The following ANO4 variants were observed in gnomAD, a reference collection of about 807,000 sequenced individuals.
ANO4 encodes the protein anoctamin-4.
ANO4 carries 69 observed loss-of-function variants against 141.9 expected under a neutral mutation model. That is an observed-to-expected ratio of 0.49 (90% confidence interval 0.40 to 0.59). ANO4 has a LOEUF of 0.59. Among genes scored for constraint, ANO4 ranks in the 20% least tolerant of loss-of-function variants. ANO4 has a pLI of 0.00. For synonymous variants in ANO4, 350 were observed against 394.3 expected (o/e 0.89, Z 1.33); for missense variants, 894 against 1,162.2 (o/e 0.77, Z 3.36).
At chr12:101,002,764 T>C (rs1404544330) in intron 8 of ANO4, among the ~76,000 whole-genome samples, 1 of 152,230 alleles carries the variant, frequency 6.6e-6, no homozygotes, top group East Asian at 1.9e-4. Flanking sequence ...CACAGTTACT[T>C]GTTTTCATGA....
chr12:100,747,298 C>A (rs1231949097), intron 3 of ANO4, among the ~76,000 whole-genome samples: 1 of 152,080 alleles, frequency 6.6e-6, no homozygotes, highest in East Asian at 1.9e-4. Context: ...ATACTCTAAT[C>A]AAAAACATGG....
intron 8 of ANO4, among the ~76,000 whole-genome samples, chr12:101,004,774 A>T (rs2045802456): frequency 1.3e-5 from 2 of 152,174 alleles, no homozygotes; most frequent in Admixed American, 1.3e-4. Flanking sequence ...GTCCTTCTTT[A>T]TTGACACCCC....
At chr12:101,107,999 A>C (rs2050515842) in intron 22 of ANO4, among the ~76,000 whole-genome samples, 1 of 152,176 alleles carries the variant, frequency 6.6e-6, no homozygotes, top group South Asian at 2.1e-4. Flanking sequence ...AAGTTGATTC[A>C]GAAGGGAGGA....
chr12:100,877,284 A>C (rs899640730), intron 1 of ANO4, among the ~76,000 whole-genome samples: 2 of 151,850 alleles, frequency 1.3e-5, no homozygotes, highest in Non-Finnish European at 2.9e-5. Context: ...TGTTATAATC[A>C]CAAAAAAAGA....
chr12:101,074,393 GA>G (rs2048944558), intron 14 of ANO4, among the ~76,000 whole-genome samples: 1 of 152,130 alleles, frequency 6.6e-6, no homozygotes, highest in Non-Finnish European at 1.5e-5. Flanking sequence ...AGTGGATACG[GA>G]AAAAGCACCC....
rs147770411 is a variant in ANO4, at chr12:101,082,712, A to G, written c.1396-966A>G. Among the ~76,000 whole-genome samples the G allele has an allele frequency of 3.3e-3, 497 of 151,932 alleles. 29 individuals are homozygous for G. In the East Asian group the frequency reaches 0.079, roughly 24 times the overall value. On this transcript the variant is annotated intron_variant, in intron 15 of 27. Coordinates refer to ENST00000392977, the MANE Select transcript of ANO4 (RefSeq NM_001286615.2). ...ATGTGAAGGCCATCCTTCATGCTAC[A>G]TGGGCAGGCTGCTGCCAAACTGGGC...
At chr12:100,929,610 T>C (rs1181210603) in intron 3 of ANO4, among the ~76,000 whole-genome samples, 1 of 152,134 alleles carries the variant, frequency 6.6e-6, no homozygotes, top group Non-Finnish European at 1.5e-5. Context: ...CTAATTTCCT[T>C]TCTTTGGGGT....
chr12:100,991,732 C>T (rs2045117986), intron 8 of ANO4, among the ~76,000 whole-genome samples: 1 of 152,078 alleles, frequency 6.6e-6, no homozygotes, highest in African/African-American at 2.4e-5. Flanking sequence ...CCTTGAAAGA[C>T]TATGCCTTTC....
chr12:100,946,124 T>G (rs943929813), intron 5 of ANO4, among the ~76,000 whole-genome samples: 1 of 152,108 alleles, frequency 6.6e-6, no homozygotes, highest in Non-Finnish European at 1.5e-5. Flanking sequence ...GCATGCCTGG[T>G]GTGTTCATGG....
At chr12:100,856,699 G>A (rs1259634525) in intron 1 of ANO4, among the ~76,000 whole-genome samples, 1 of 152,138 alleles carries the variant, frequency 6.6e-6, no homozygotes, top group African/African-American at 2.4e-5. Flanking sequence ...GGTGAGGGAA[G>A]GGAGTTTCAG....
chr12:100,725,633 A>G (rs1024579653), intron 1 of ANO4, among the ~76,000 whole-genome samples: 17 of 152,168 alleles, frequency 1.1e-4, no homozygotes, highest in Admixed American at 7.9e-4. Context: ...GGCATGAGCC[A>G]CCACACCCGG....
intron 8 of ANO4, among the ~76,000 whole-genome samples, chr12:101,007,741 A>G (rs1296753010): frequency 6.6e-6 from 1 of 152,120 alleles, no homozygotes; most frequent in Non-Finnish European, 1.5e-5. Flanking sequence ...TCATTTGGAG[A>G]TAAGGTCTTG....
chr12:101,047,289 A>G (rs1297890523), intron 13 of ANO4, among the ~76,000 whole-genome samples: 1 of 152,110 alleles, frequency 6.6e-6, no homozygotes, highest in African/African-American at 2.4e-5. Context: ...ACTCTGATAG[A>G]TAGCACAGTC....
intron 1 of ANO4, among the ~76,000 whole-genome samples, chr12:100,813,989 A>T (rs1322290799): frequency 6.6e-6 from 1 of 152,146 alleles, no homozygotes; most frequent in Non-Finnish European, 1.5e-5. Flanking sequence ...GCTCTCAATC[A>T]GTCCTCTAGC....
At chr12:101,102,634 C>G (rs561975660) in intron 22 of ANO4, among the ~76,000 whole-genome samples, 36 of 151,986 alleles carry the variant, frequency 2.4e-4, no homozygotes, top group African/African-American at 8.4e-4. Context: ...TTAAATATCA[C>G]TTCTCAGTGG....
intron 5 of ANO4, among the ~76,000 whole-genome samples, chr12:100,943,112 C>T (rs2042583650): frequency 6.6e-6 from 1 of 152,154 alleles, no homozygotes; most frequent in Admixed American, 6.5e-5. Flanking sequence ...GCATGGGGAG[C>T]TTCAAGGCAG....
At chr12:100,922,385 T>G (rs1203281231) in intron 3 of ANO4, 55 bp downstream of exon 3, 1 of 1,241,112 alleles carries the variant, frequency 8.1e-7, no homozygotes, top group Non-Finnish European at 1.1e-6. Context: ...ATTATAATAC[T>G]TGGGAGGGGT....
chr12:100,853,976 C>A (rs906806138), intron 1 of ANO4, among the ~76,000 whole-genome samples: 4 of 152,024 alleles, frequency 2.6e-5, no homozygotes, highest in African/African-American at 9.7e-5. Flanking sequence ...ACATGACAAC[C>A]AGTTTATTTA....
intron 22 of ANO4, among the ~76,000 whole-genome samples, chr12:101,107,504 C>T (rs1344966981): frequency 6.6e-6 from 1 of 151,590 alleles, no homozygotes; most frequent in Non-Finnish European, 1.5e-5. Flanking sequence ...TATTTGAGTA[C>T]TCTTGAAGGT....
Sources: gnomAD v4.1 joint callset for allele counts (sites outside exome capture counted in the v4.1 genomes callset) on GRCh38, gnomAD v4.1.1 for gene constraint, MANE v1.5 for transcripts, NCBI Gene and HGNC (gene_info 2026-07-23, HGNC 2026-07-21) for gene names.